Variants in SPTBN2 observed in about 807,000 individuals in gnomAD.
The protein encoded by SPTBN2 is spectrin beta chain, non-erythrocytic 2.
SPTBN2 carries 107 observed loss-of-function variants against 284.2 expected under a neutral mutation model. That is an observed-to-expected ratio of 0.38 (90% CI 0.32 to 0.44). The LOEUF is 0.44. Among genes scored for constraint, SPTBN2 ranks in the 20% least tolerant of loss-of-function variants. The probability of loss-of-function intolerance (pLI) is 1.00; values close to 1 mark genes in which losing one functional copy is unlikely to be tolerated. For synonymous variants in SPTBN2, 1,289 were observed against 1,354.8 expected (o/e 0.95, Z 1.07); for missense variants, 2,569 against 3,287.1 (o/e 0.78, Z 5.34).
intron 1 of SPTBN2, among the ~76,000 whole-genome samples, chr11:66,744,080 C>G (rs562995014): frequency 1.8e-4 from 27 of 152,204 alleles, no homozygotes; most frequent in Admixed American, 1.6e-3. Context: ...AGGCTGGTCT[C>G]GAACTCCTGA....
intron 15 of SPTBN2, among the ~76,000 whole-genome samples, chr11:66,703,972 C>CTTTTTTTTTTT (rs11286358): frequency 1.8e-5 from 2 of 109,726 alleles, no homozygotes; most frequent in African/African-American, 3.2e-5. Flanking sequence ...TATTTCTTTT[C>CTTTTTTTTTTT]TTTTTTTTTT....
rs776182556 is a variant in SPTBN2 at position 66,707,493 on chromosome 11, C to T, written c.1653+23G>A. The T allele has an allele frequency of 8.9e-6, 14 of 1,580,188 alleles. 2 individuals carry two copies. The Middle Eastern group carries it at 2.1e-3, about 236-fold the overall frequency. ...CCTCGACTCTTGATCACTCTTACCC[C>T]ACCCAGCACGCCTCACTGGTACCTT... is the stretch of plus-strand genomic sequence containing the variant. On this transcript the variant is annotated intron_variant, in intron 13 of 37. Coordinates refer to ENST00000533211, the MANE Select transcript of SPTBN2 (RefSeq NM_006946.4). This position sits in a 1 kb window ranked among gnomAD's most constrained non-coding sequence, Gnocchi z 4.9.
Position 66,701,296 on chromosome 11 carries a change from G to A in SPTBN2, c.2817-14C>T, listed in dbSNP as rs747648080. 7 of 1,610,874 alleles carry A rather than the reference G, an allele frequency of 4.3e-6. No homozygotes were observed. The highest frequency in any genetic ancestry group is 1.1e-5 in the South Asian group (1 of 91,056). On this transcript the variant is annotated splice_polypyrimidine_tract_variant and intron_variant, in intron 16 of 37. Transcript: ENST00000533211. ...AACTGCTGCCACCTGAGAGCAGGGGGAAGGTTCAGCTTCCTGCCCTGGCCA... is the reference window on the plus strand; with the variant it reads ...AACTGCTGCCACCTGAGAGCAGGGGAAAGGTTCAGCTTCCTGCCCTGGCCA...
intron 17 of SPTBN2, 67 bp from the exon 18 acceptor site, chr11:66,699,675 C>A (rs914218978): frequency 9.1e-6 from 14 of 1,534,908 alleles, no homozygotes; most frequent in South Asian, 1.1e-5. Flanking sequence ...GAGGGACCCA[C>A]CCAGGGGCAA....
At chr11:66,740,430 C>T (rs1233818457) in intron 1 of SPTBN2, among the ~76,000 whole-genome samples, 1 of 152,134 alleles carries the variant, frequency 6.6e-6, no homozygotes, top group Non-Finnish European at 1.5e-5. Context: ...CCCCATTAGC[C>T]CAATAATATT....
Position 66,715,843 on chromosome 11 carries a change from G to A in SPTBN2, c.296C>T (p.Ser99Leu), listed in dbSNP as rs1171949662. The A allele has an allele frequency of 1.9e-6, 3 of 1,613,778 alleles. No homozygotes were observed. Among genetic ancestry groups the A allele is most frequent in the South Asian group, 1.1e-5 (1 of 91,036 alleles). ...RNLLRLLEVLSGEILPKPTKG... is the reference protein window; with the variant it reads ...RNLLRLLEVLLGEILPKPTKG... ...ACCACAGCTCACCAGTATCTCTCCC[G>A]AGAGCACCTCGAGGAGCCTCAGCAG... The change falls in exon 4 of 38, where the codon TCG becomes TTG. Residue 99 changes from serine (S) to leucine (L), a missense_variant. This residue lies in a region of SPTBN2 where 304 missense variants were observed against 522.1 expected (regional missense o/e 0.58). Coordinates refer to ENST00000533211, the MANE Select transcript of SPTBN2 (RefSeq NM_006946.4). This position sits in a 1 kb window ranked among gnomAD's most constrained non-coding sequence, Gnocchi z 5.3.
chr11:66,725,889 T>C (rs1942605258), intron 1 of SPTBN2, among the ~76,000 whole-genome samples: 1 of 152,228 alleles, frequency 6.6e-6, no homozygotes, highest in South Asian at 2.1e-4. Flanking sequence ...TGTATCCTAA[T>C]TCTTCCTCTC....
intron 15 of SPTBN2, 100 bp from the exon 16 acceptor site, chr11:66,701,821 C>A: frequency 2.6e-6 from 4 of 1,534,678 alleles, no homozygotes; most frequent in Non-Finnish European, 3.6e-6. Context: ...GTGTCTCCTT[C>A]ACCAGGAGGC....
chr11:66,687,378 G>T lies in SPTBN2; in HGVS notation c.6722+49C>A. 1 of 1,594,384 alleles carries T rather than the reference G, an allele frequency of 6.3e-7. No homozygotes were observed. The highest frequency in any genetic ancestry group is 8.5e-7 in the Non-Finnish European group (1 of 1,173,818). ...GGGCATCCCTCCCTCTATCTGGGCA[G>T]AGGCTCTGGGGAAGTGCCCTCTGAG... On this transcript the variant is annotated intron_variant, in intron 35 of 37. Transcript: ENST00000533211. The surrounding 1 kb of genome is among the most constrained non-coding windows in gnomAD (Gnocchi z 5.2).
chr11:66,689,729 G>A, intron 29 of SPTBN2, 76 bp downstream of exon 29: 1 of 1,595,634 alleles, frequency 6.3e-7, no homozygotes, highest in Non-Finnish European at 8.5e-7. Context: ...AGAATGAGAG[G>A]AAGCAGAAAG....
At position 66,713,746 on chromosome 11, in the gene SPTBN2, C is replaced by G. The variant is rs1170556265; in HGVS notation, c.657G>C (p.Arg219=). The G allele has an allele frequency of 3.7e-6, 6 of 1,611,064 alleles. No homozygotes were observed. In the Admixed American group the frequency reaches 1.0e-4, roughly 27 times the overall value. ...LAFNAIVHKH[R]PDLLDFESLK... ...GAGACTCAAAATCCAGCAGGTCTGGCCTGGGTGGGGAGGCAAGACAGAAGG... is the reference window on the plus strand; with the variant it reads ...GAGACTCAAAATCCAGCAGGTCTGGGCTGGGTGGGGAGGCAAGACAGAAGG... Residue 219 remains arginine (R), a splice_region_variant and synonymous_variant, in exon 8 of 38, where the codon CGG becomes CGC. Coordinates refer to ENST00000533211, the MANE Select transcript of SPTBN2 (RefSeq NM_006946.4).
chr11:66,699,483 C>T lies in SPTBN2; in HGVS notation c.3699G>A (p.Glu1233=). The T allele has an allele frequency of 6.2e-7, 1 of 1,614,170 alleles. No homozygotes were observed. Among genetic ancestry groups the T allele is most frequent in the Non-Finnish European group, 8.5e-7 (1 of 1,180,030 alleles). ...ANGERIHGLL[E]AGRQLVSEGN... Reference sequence around the variant, plus strand: ...CTTCAGATACCAGCTGGCGGCCAGCCTCCAGGAGCCCGTGGATCCGTTCCC... The same window carrying T: ...CTTCAGATACCAGCTGGCGGCCAGCTTCCAGGAGCCCGTGGATCCGTTCCC... The change falls in exon 18 of 38, where the codon GAG becomes GAA. Residue 1233 remains glutamate, a synonymous_variant. Coordinates refer to ENST00000533211, the MANE Select transcript of SPTBN2 (RefSeq NM_006946.4).
chr11:66,697,143 A>G (rs1590929442), intron 20 of SPTBN2, among the ~76,000 whole-genome samples: 1 of 152,238 alleles, frequency 6.6e-6, no homozygotes, highest in Middle Eastern at 3.4e-3. Context: ...TCTGTGTTCC[A>G]TCTACACCCC....
At position 66,715,290 on chromosome 11, in the gene SPTBN2, G is replaced by A. The variant is rs772480880; in HGVS notation, c.415C>T (p.His139Tyr). 2 of 1,614,234 alleles carry A rather than the reference G, an allele frequency of 1.2e-6. No individual in the cohort carries two copies. The highest frequency in any genetic ancestry group is 1.1e-5 in the South Asian group (1 of 91,086). ...CGGTGGTTTCCGTCCACAATGTCAT[G>A]GGAGCCCATGTTTTCCAAGTGCACT... is the stretch of plus-strand genomic sequence containing the variant. ...QKVHLENMGS[H>Y]DIVDGNHRLT... The change falls in exon 5 of 38, where the codon CAT (histidine) becomes TAT (tyrosine). Residue 139 changes from histidine to tyrosine, a missense_variant. His to Tyr is a moderately conservative substitution (Grantham distance 83, BLOSUM62 2). This residue lies in a region of SPTBN2 where 304 missense variants were observed against 522.1 expected (regional missense o/e 0.58). Coordinates refer to ENST00000533211, the MANE Select transcript of SPTBN2 (RefSeq NM_006946.4). This position sits in a 1 kb window ranked among gnomAD's most constrained non-coding sequence, Gnocchi z 5.3.
In SPTBN2 at chr11:66,708,003, C is replaced by A; in HGVS notation, c.1350+138G>T. 6.8e-7 allele frequency: 1 copy of A among 1,467,840 alleles called. No homozygotes were observed. Among genetic ancestry groups the A allele is most frequent in the Admixed American group, 1.8e-5 (1 of 56,612 alleles). 90.9% of individuals were successfully genotyped at this position (1,467,840 alleles called of 1,614,324 possible). ...TCCTGTCCCACCCTCTGGCCCCTGG[C>A]TCCCGGACCTCTAGGCCTTTTTACC... On this transcript the variant is annotated intron_variant, in intron 12 of 37. Coordinates refer to ENST00000533211, the MANE Select transcript of SPTBN2 (RefSeq NM_006946.4). The surrounding 1 kb of genome is among the most constrained non-coding windows in gnomAD (Gnocchi z 4.4).
chr11:66,687,718 G>A lies in SPTBN2; in HGVS notation c.6502-71C>T, dbSNP rs1405943811. The stretch of plus-strand genomic sequence containing the variant: ...CCTAACCTGGGTGCCAGGAAGCTCC[G>A]TGTCCAGGAGTTGGTCTTCCTGCCC... On this transcript the variant is annotated intron_variant, in intron 34 of 37. Transcript: ENST00000533211. The surrounding 1 kb of genome is among the most constrained non-coding windows in gnomAD (Gnocchi z 5.2). The A allele has an allele frequency of 2.9e-5, 46 of 1,573,152 alleles. No homozygotes were observed. Among genetic ancestry groups the A allele is most frequent in the East Asian group, 1.8e-4 (8 of 44,148 alleles).
intron 20 of SPTBN2, among the ~76,000 whole-genome samples, chr11:66,697,110 C>T (rs1940960483): frequency 6.6e-6 from 1 of 152,154 alleles, no homozygotes; most frequent in South Asian, 2.1e-4. Context: ...CATCCTTGTG[C>T]CGTGGCTGTG....
At position 66,705,338 on chromosome 11, in the gene SPTBN2, G is replaced by A. The variant is rs752249707; in HGVS notation, c.1938C>T (p.Phe646=). 15 of 1,610,670 alleles carry A rather than the reference G, an allele frequency of 9.3e-6. No homozygotes were observed. The highest frequency in any genetic ancestry group is 1.3e-5 in the Non-Finnish European group (15 of 1,179,718). ...CCTCAGCTTCACCCACCTCCCAGAG[G>A]AAACGCCAGAGCCGCCGTGATTCCT... ...RLEESRRLWR[F]LWEVGEAEAW... The change falls in exon 15 of 38, where the codon TTC becomes TTT. Residue 646 remains phenylalanine, a synonymous_variant. Transcript: ENST00000533211.
At chr11:66,741,803 G>C (rs1443711622) in intron 1 of SPTBN2, among the ~76,000 whole-genome samples, 2 of 151,912 alleles carry the variant, frequency 1.3e-5, no homozygotes, top group Non-Finnish European at 2.9e-5. Flanking sequence ...GATGAGGTCT[G>C]AGCAAAAAAC....
Sources: gnomAD v4.1 joint callset for allele counts (sites outside exome capture counted in the v4.1 genomes callset) on GRCh38, gnomAD v4.1.1 for gene constraint, gnomAD v4.1.1 regional missense constraint, Gnocchi (gnomAD v3.1) non-coding constraint, MANE v1.5 for transcripts, NCBI Gene and HGNC (gene_info 2026-07-23, HGNC 2026-07-21) for gene names.